The following ADCY2 variants were observed in gnomAD, a reference collection of about 807,000 sequenced individuals.
The protein encoded by ADCY2 is adenylate cyclase 2.
In ADCY2, 31 loss-of-function variants were observed where a neutral mutation model predicts 125.2. That is an observed-to-expected ratio of 0.25 (90% CI 0.19 to 0.33). The LOEUF (loss-of-function observed/expected upper bound fraction) is 0.33, where lower values mean the gene tolerates loss of function less well. Ranked by LOEUF, ADCY2 falls within the 10% of genes least tolerant of loss-of-function variation. The pLI, the probability that ADCY2 is intolerant of heterozygous loss-of-function variation, is 1.00. For missense variants in ADCY2, 904 were observed against 1,418.2 expected (o/e 0.64, Z 5.82); for synonymous variants, 512 against 548.4 (o/e 0.93, Z 0.93).
At chr5:7,496,278 A>G (rs1743343304) in intron 2 of ADCY2, among the ~76,000 whole-genome samples, 1 of 152,208 alleles carries the variant, frequency 6.6e-6, no homozygotes, top group Non-Finnish European at 1.5e-5. Context: ...AAAAGCAACA[A>G]CATTTTAATA....
intron 2 of ADCY2, among the ~76,000 whole-genome samples, chr5:7,496,105 T>G (rs770615553): frequency 6.6e-6 from 1 of 152,176 alleles, no homozygotes; most frequent in Non-Finnish European, 1.5e-5. Flanking sequence ...CTAAGACTTA[T>G]GATTTTTCAT....
At chr5:7,687,611 CG>C (rs1404962305) in intron 4 of ADCY2, among the ~76,000 whole-genome samples, 2 of 152,090 alleles carry the variant, frequency 1.3e-5, no homozygotes, top group Non-Finnish European at 2.9e-5. Context: ...ATGTGCCGAC[CG>C]ATTTCTCACT....
At chr5:7,493,347 A>C (rs1035991907) in intron 2 of ADCY2, among the ~76,000 whole-genome samples, 6 of 152,084 alleles carry the variant, frequency 3.9e-5, no homozygotes, top group Middle Eastern at 3.2e-3. Context: ...CAGGAAGATG[A>C]ATAAGAGGAA....
In ADCY2 at chr5:7,736,213, C is replaced by T. The variant is rs140267391; in HGVS notation, c.1872-7455C>T. ...CTTGCTTGGGTGACAGAGCAAGACT[C>T]TGTCTCAAAAAAAAATTAAAAATGA... On this transcript the variant is annotated intron_variant, in intron 14 of 24. Coordinates refer to ENST00000338316, the MANE Select transcript of ADCY2 (RefSeq NM_020546.3). Among the ~76,000 whole-genome samples the T allele has an allele frequency of 4.5e-3, 683 of 152,026 alleles. 6 individuals carry two copies. The highest frequency in any genetic ancestry group is 0.016 in the African/African-American group (652 of 41,484).
At chr5:7,666,332 G>T (rs971881074) in intron 4 of ADCY2, among the ~76,000 whole-genome samples, 1 of 149,046 alleles carries the variant, frequency 6.7e-6, no homozygotes, top group East Asian at 2.1e-4. Flanking sequence ...GCAGTGGCGC[G>T]ATCTCGGCTC....
intron 24 of ADCY2, among the ~76,000 whole-genome samples, chr5:7,821,766 G>A (rs1182452963): frequency 6.6e-6 from 1 of 152,250 alleles, no homozygotes; most frequent in Non-Finnish European, 1.5e-5. Flanking sequence ...GAAAGGTGTG[G>A]AACTGGAGAC....
chr5:7,826,566 T>C (rs760218937), intron 24 of ADCY2, 153 bp from the exon 25 acceptor site: 1 of 973,736 alleles, frequency 1.0e-6, no homozygotes, highest in East Asian at 2.5e-5. Context: ...CCTTTTTTTC[T>C]TGTGGATTAC....
intron 16 of ADCY2, among the ~76,000 whole-genome samples, chr5:7,765,931 G>C (rs1255809549): frequency 6.6e-6 from 1 of 152,106 alleles, no homozygotes; most frequent in Non-Finnish European, 1.5e-5. Flanking sequence ...GACAGACAGC[G>C]AGCGAGCGAG....
At chr5:7,715,554 C>CT (rs11310324) in intron 11 of ADCY2, among the ~76,000 whole-genome samples, 93 of 145,084 alleles carry the variant, frequency 6.4e-4, no homozygotes, top group African/African-American at 5.8e-4. Flanking sequence ...GGATTCCTTG[C>CT]TTTTTTTTTT....
intron 3 of ADCY2, among the ~76,000 whole-genome samples, chr5:7,579,543 T>C (rs1437632017): frequency 2.0e-5 from 3 of 152,152 alleles, no homozygotes; most frequent in African/African-American, 7.2e-5. Context: ...GATGAGAGGA[T>C]AAAATAACAG....
At chr5:7,697,111 A>G (rs1740919017) in intron 6 of ADCY2, among the ~76,000 whole-genome samples, 1 of 152,068 alleles carries the variant, frequency 6.6e-6, no homozygotes, top group African/African-American at 2.4e-5. Context: ...TCCCCTTCTT[A>G]GAGGTTAAGG....
chr5:7,695,721 C>A, intron 5 of ADCY2, 31 bp from the exon 6 acceptor site: 1 of 1,360,984 alleles, frequency 7.3e-7, no homozygotes, highest in Non-Finnish European at 1.0e-6. Context: ...AACTGGAAAA[C>A]TCTGTCTCCT....
rs377726162 is a variant in ADCY2 at position 7,670,905 on chromosome 5, T to C, written c.721-19786T>C. On this transcript the variant is annotated intron_variant, in intron 4 of 24. Coordinates refer to ENST00000338316, the MANE Select transcript of ADCY2 (RefSeq NM_020546.3). ...GGCCAGCCAGTCTTTGGCTTGGGGG[T>C]TGGGGACCCCTACTCTAAAATGAAC... 2.2e-4 allele frequency among the ~76,000 whole-genome samples: 33 copies of C among 152,276 alleles called. No individual in the cohort carries two copies. In the East Asian group the frequency reaches 2.7e-3, roughly 13 times the overall value.
At chr5:7,516,288 A>C (rs1379360390) in intron 2 of ADCY2, among the ~76,000 whole-genome samples, 2 of 152,186 alleles carry the variant, frequency 1.3e-5, no homozygotes, top group Admixed American at 6.5e-5. Flanking sequence ...AAAAAATGCA[A>C]ATTGCAGAGT....
intron 4 of ADCY2, among the ~76,000 whole-genome samples, chr5:7,633,598 A>T (rs1190752090): frequency 6.6e-6 from 1 of 152,116 alleles, no homozygotes; most frequent in Non-Finnish European, 1.5e-5. Flanking sequence ...ATAAAATTAA[A>T]CCTTCTAGAA....
At chr5:7,609,169 A>C (rs1737487767) in intron 3 of ADCY2, among the ~76,000 whole-genome samples, 1 of 152,244 alleles carries the variant, frequency 6.6e-6, no homozygotes, top group Non-Finnish European at 1.5e-5. Flanking sequence ...TCTTCTGAGT[A>C]TAATTTGCAT....
intron 4 of ADCY2, among the ~76,000 whole-genome samples, chr5:7,659,612 C>T (rs998924004): frequency 2.6e-5 from 4 of 152,220 alleles, no homozygotes; most frequent in African/African-American, 9.7e-5. Flanking sequence ...TAACAGGACA[C>T]TTGTGGGACC....
At chr5:7,750,089 T>C (rs896186950) in intron 15 of ADCY2, among the ~76,000 whole-genome samples, 8 of 152,196 alleles carry the variant, frequency 5.3e-5, no homozygotes, top group African/African-American at 1.9e-4. Flanking sequence ...CATCTCTCTC[T>C]CTTATTTGAC....
rs114391379 is a variant in ADCY2, at chr5:7,803,042, A to G, written c.2775+678A>G. Among the ~76,000 whole-genome samples the G allele has an allele frequency of 5.1e-3, 784 of 152,306 alleles. 1 individual carries two copies. Among genetic ancestry groups the G allele is most frequent in the Non-Finnish European group, 7.5e-3 (508 of 68,022 alleles). ...GATGATTCATGGAATTTTGAAATAC[A>G]GTGATGAGATTACATAACACGGTGG... On this transcript the variant is annotated intron_variant, in intron 21 of 24. Transcript: ENST00000338316.
Sources: allele counts gnomAD v4.1 joint callset (sites outside exome capture counted in the v4.1 genomes callset), GRCh38; gene constraint gnomAD v4.1.1; transcripts MANE v1.5; gene names NCBI Gene and HGNC (gene_info 2026-07-23, HGNC 2026-07-21).